Variants in POLR3A observed in about 807,000 individuals in gnomAD.
POLR3A encodes the protein DNA-directed RNA polymerase III subunit RPC1.
Under a neutral mutation model 152.8 loss-of-function variants are expected in POLR3A, and 112 were observed. The ratio of observed to expected loss-of-function variants is 0.73; its 90% confidence interval spans 0.63 to 0.86. The LOEUF is 0.86. Ranked by LOEUF, POLR3A falls within the 40% of genes least tolerant of loss-of-function variation. The pLI, the probability that POLR3A is intolerant of heterozygous loss-of-function variation, is 0.00. For missense variants in POLR3A, 1,385 were observed against 1,743.1 expected, an observed-to-expected ratio of 0.79 and a Z score of 3.66; for synonymous variants, 615 against 652.1, an observed-to-expected ratio of 0.94 and a Z score of 0.87.
At chr10:77,979,752 A>G (rs1847122478) in intron 30 of POLR3A, among the ~76,000 whole-genome samples, 1 of 152,234 alleles carries the variant, frequency 6.6e-6, no homozygotes, top group Admixed American at 6.5e-5. Context: ...CAAGGACAGT[A>G]GGACACTCTG....
intron 30 of POLR3A, among the ~76,000 whole-genome samples, chr10:77,978,474 T>C (rs944285061): frequency 6.6e-6 from 1 of 152,088 alleles, no homozygotes; most frequent in Non-Finnish European, 1.5e-5. Context: ...AGAAAGGTGC[T>C]GGTGTATGGG....
intron 15 of POLR3A, 72 bp downstream of exon 15, chr10:78,007,630 A>G: frequency 1.5e-6 from 2 of 1,358,760 alleles, no homozygotes; most frequent in Non-Finnish European, 2.1e-6. Flanking sequence ...CAGTAAAAGA[A>G]CAAAATAACG....
chr10:77,979,095 A>C (rs529391917), intron 30 of POLR3A, among the ~76,000 whole-genome samples: 2 of 152,310 alleles, frequency 1.3e-5, no homozygotes, highest in Non-Finnish European at 2.9e-5. Flanking sequence ...CAATAGCAAC[A>C]CCATGCCCGC....
At chr10:78,010,768 C>T (rs1847459582) in intron 11 of POLR3A, among the ~76,000 whole-genome samples, 1 of 152,130 alleles carries the variant, frequency 6.6e-6, no homozygotes, top group African/African-American at 2.4e-5. Context: ...CTAGGAGGGT[C>T]CTACCAACAC....
At chr10:78,001,276 G>A (rs956755316) in intron 17 of POLR3A, among the ~76,000 whole-genome samples, 182 bp from the exon 18 acceptor site, 6 of 152,172 alleles carry the variant, frequency 3.9e-5, no homozygotes, top group African/African-American at 1.2e-4. Context: ...CAAGAAAGGC[G>A]GAACGACGGC....
Position 78,028,660 on chromosome 10 carries a change from C to T in POLR3A, c.44+704G>A, listed in dbSNP as rs925030065. Among the ~76,000 whole-genome samples, 5 of 152,066 alleles carry T rather than the reference C, an allele frequency of 3.3e-5. No homozygotes were observed. The East Asian group carries it at 9.7e-4, about 29-fold the overall frequency. ...CTGGGACCACAAGGGCGCGCCACCACGCCTGCTAATTTTTGTATTTTTGAT... is the reference window on the plus strand; with the variant it reads ...CTGGGACCACAAGGGCGCGCCACCATGCCTGCTAATTTTTGTATTTTTGAT... On this transcript the variant is annotated intron_variant, in intron 1 of 30. Coordinates refer to ENST00000372371, the MANE Select transcript of POLR3A (RefSeq NM_007055.4).
chr10:77,983,085 G>A (rs1052284204), intron 26 of POLR3A, among the ~76,000 whole-genome samples: 7 of 152,048 alleles, frequency 4.6e-5, no homozygotes, highest in Non-Finnish European at 1.0e-4. Flanking sequence ...GGCAACACAC[G>A]CAGCCTCTGT....
At chr10:77,990,617 AT>A (rs751268930) in intron 21 of POLR3A, among the ~76,000 whole-genome samples, 281 of 137,994 alleles carry the variant, frequency 2.0e-3, no homozygotes, top group Middle Eastern at 0.011. Flanking sequence ...ACTGCCTGTC[AT>A]TTTTTTTTTT....
At chr10:78,021,457 CT>C (rs1847578561) in intron 8 of POLR3A, 88 bp downstream of exon 8, 1 of 1,377,684 alleles carries the variant, frequency 7.3e-7, no homozygotes, top group East Asian at 2.3e-5. Context: ...TTACTGGGGA[CT>C]TTCTACTGCC....
intron 14 of POLR3A, 90 bp from the exon 15 acceptor site, chr10:78,007,956 C>T: frequency 1.0e-6 from 1 of 985,760 alleles, no homozygotes. Flanking sequence ...AAATATGTTC[C>T]CATACTGACA....
At position 77,977,206 on chromosome 10, in the gene POLR3A, C is replaced by T. The variant is rs2241547; in HGVS notation, c.*272G>A. 22 of 435,922 alleles carry T rather than the reference C, an allele frequency of 5.0e-5. 1 individual carries two copies. Among genetic ancestry groups the T allele is most frequent in the African/African-American group, 1.6e-4 (8 of 49,580 alleles). 27.0% of individuals were successfully genotyped at this position (435,922 alleles called of 1,614,324 possible). ...TAAGTCCAGGGAAGCAGTGTGTGCA[C>T]GAGCTGTGGGGCCGTCTATAGATTA... On this transcript the variant is annotated 3_prime_UTR_variant, in exon 31 of 31. Coordinates refer to ENST00000372371, the MANE Select transcript of POLR3A (RefSeq NM_007055.4).
intron 28 of POLR3A, among the ~76,000 whole-genome samples, 195 bp downstream of exon 28, chr10:77,981,959 A>G (rs546634112): frequency 1.3e-4 from 19 of 147,238 alleles, no homozygotes; most frequent in African/African-American, 4.6e-4. Context: ...GAATGGCGTG[A>G]ACCCGGGAGG....
intron 16 of POLR3A, among the ~76,000 whole-genome samples, chr10:78,003,752 G>A (rs911725465): frequency 8.6e-5 from 13 of 151,754 alleles, no homozygotes; most frequent in African/African-American, 2.9e-4. Flanking sequence ...GCAAAACCCC[G>A]CCTCTACTAA....
At chr10:78,002,417 C>T (rs1482561822) in intron 16 of POLR3A, 109 bp from the exon 17 acceptor site, 8 of 781,214 alleles carry the variant, frequency 1.0e-5, no homozygotes, top group Admixed American at 6.0e-5. Flanking sequence ...GCAAGATGCC[C>T]GATTTCCGAT....
At chr10:77,982,038 C>CA (rs553149963) in intron 28 of POLR3A, 116 bp downstream of exon 28, 17,435 of 270,690 alleles carry the variant, frequency 0.064, 360 homozygotes, top group African/African-American at 0.15. Context: ...GACTCCATCT[C>CA]AAAAAAAAAA....
At chr10:78,021,425 A>G in intron 8 of POLR3A, 121 bp downstream of exon 8, 1 of 948,556 alleles carries the variant, frequency 1.1e-6, no homozygotes, top group East Asian at 2.5e-5. Context: ...ACTCATATAA[A>G]CCAAACTGTG....
chr10:77,992,974 C>T (rs919055952), intron 20 of POLR3A, among the ~76,000 whole-genome samples: 1 of 152,100 alleles, frequency 6.6e-6, no homozygotes, highest in Non-Finnish European at 1.5e-5. Flanking sequence ...CCTTGGCCTC[C>T]CAAAGTGCTG....
chr10:77,994,830 G>A lies in POLR3A; in HGVS notation c.2617-1463C>T, dbSNP rs556724237. ...AGAGAACACCACAAAGATACTCCTC[G>A]AGAAGAGCAACTCCAAGACACATAA... On this transcript the variant is annotated intron_variant, in intron 19 of 30. Transcript: ENST00000372371. Among the ~76,000 whole-genome samples the A allele has an allele frequency of 3.3e-5, 5 of 152,098 alleles. No homozygotes were observed. In the South Asian group the frequency reaches 1.0e-3, roughly 32 times the overall value.
intron 16 of POLR3A, among the ~76,000 whole-genome samples, chr10:78,003,495 G>A (rs1484925298): frequency 6.6e-6 from 1 of 152,212 alleles, no homozygotes; most frequent in Non-Finnish European, 1.5e-5. Context: ...TGGTGATTCT[G>A]ATTCTGACCC....
Sources: allele counts gnomAD v4.1 joint callset (sites outside exome capture counted in the v4.1 genomes callset), GRCh38; gene constraint gnomAD v4.1.1; transcripts MANE v1.5; gene names NCBI Gene and HGNC (gene_info 2026-07-23, HGNC 2026-07-21).